JARID2: variants seen among roughly 807,000 people sequenced by gnomAD.
JARID2 encodes protein Jumonji.
Under a neutral mutation model 125.6 loss-of-function variants are expected in JARID2, and 21 were observed. The ratio of observed to expected loss-of-function variants is 0.17; its 90% CI spans 0.12 to 0.24. The LOEUF is 0.24. Ranked by LOEUF, JARID2 falls within the 10% of genes least tolerant of loss-of-function variation. The pLI is 1.00. For missense variants in JARID2, 1,303 were observed against 1,639.6 expected, an observed-to-expected ratio of 0.79 and a Z score of 3.55; for synonymous variants, 736 against 661.6, an observed-to-expected ratio of 1.11 and a Z score of -1.73.
chr6:15,452,201 G>A, intron 4 of JARID2, 26 bp downstream of exon 4: 1 of 1,611,288 alleles, frequency 6.2e-7, no homozygotes, highest in Non-Finnish European at 8.5e-7. Flanking sequence ...CATCGGCGGA[G>A]GTCTACGTGG....
At chr6:15,369,931 C>G (rs1317624054) in intron 1 of JARID2, among the ~76,000 whole-genome samples, 4 of 152,098 alleles carry the variant, frequency 2.6e-5, no homozygotes, top group Non-Finnish European at 4.4e-5. Flanking sequence ...AAGGATGTCT[C>G]CCCTAGGACA....
chr6:15,480,860 T>TG (rs1365987052), intron 5 of JARID2, among the ~76,000 whole-genome samples: 1 of 152,166 alleles, frequency 6.6e-6, no homozygotes, highest in Non-Finnish European at 1.5e-5. Context: ...TTAAAAACCT[T>TG]GCGATCAGTT....
In JARID2 at chr6:15,508,552, C is replaced by T. The variant is rs1036973549; in HGVS notation, c.2846+98C>T. On this transcript the variant is annotated intron_variant, in intron 12 of 17. Coordinates refer to ENST00000341776, the MANE Select transcript of JARID2 (RefSeq NM_004973.4). Reference sequence around the variant, plus strand: ...GTAACTTCTTGTCCAGGTGGTTCCACGTGCTTGAGAACTTGCTTCTCTGTG... The same window carrying T: ...GTAACTTCTTGTCCAGGTGGTTCCATGTGCTTGAGAACTTGCTTCTCTGTG... 84 of 725,634 alleles carry T rather than the reference C, an allele frequency of 1.2e-4. No homozygotes were observed. In the South Asian group the frequency reaches 1.2e-3, roughly 10 times the overall value. 44.9% of individuals were successfully genotyped at this position (725,634 alleles called of 1,614,324 possible).
At chr6:15,512,082 A>T (rs901951576) in intron 13 of JARID2, 126 bp from the exon 14 acceptor site, 1 of 776,672 alleles carries the variant, frequency 1.3e-6, no homozygotes, top group Non-Finnish European at 2.0e-6. Context: ...ACGTCTTTTT[A>T]TTTTCCACAT....
At chr6:15,471,192 T>C (rs1446040942) in intron 5 of JARID2, among the ~76,000 whole-genome samples, 2 of 152,216 alleles carry the variant, frequency 1.3e-5, no homozygotes, top group African/African-American at 2.4e-5. Context: ...GTAATAACTT[T>C]ATAATCTTTT....
At chr6:15,298,163 T>A (rs1189196238) in intron 1 of JARID2, among the ~76,000 whole-genome samples, 1 of 152,250 alleles carries the variant, frequency 6.6e-6, no homozygotes, top group Admixed American at 6.5e-5. Flanking sequence ...AAAATTGCAT[T>A]TGAATTGTAG....
intron 3 of JARID2, among the ~76,000 whole-genome samples, chr6:15,416,873 G>C (rs1310634379): frequency 6.6e-6 from 1 of 152,196 alleles, no homozygotes; most frequent in Non-Finnish European, 1.5e-5. Context: ...TGTAAAGTGT[G>C]TATTTGCCCC....
chr6:15,384,602 T>C (rs1764712687), intron 2 of JARID2, among the ~76,000 whole-genome samples: 1 of 152,182 alleles, frequency 6.6e-6, no homozygotes, highest in African/African-American at 2.4e-5. Flanking sequence ...TTTATTTATT[T>C]ATTTAGAGAC....
intron 2 of JARID2, among the ~76,000 whole-genome samples, chr6:15,408,239 G>A (rs1765729062): frequency 6.6e-6 from 1 of 152,086 alleles, no homozygotes; most frequent in Admixed American, 6.5e-5. Context: ...GCAACAGAGC[G>A]AGACCCTATC....
At chr6:15,307,168 G>A (rs1408628508) in intron 1 of JARID2, among the ~76,000 whole-genome samples, 1 of 151,876 alleles carries the variant, frequency 6.6e-6, no homozygotes, top group African/African-American at 2.4e-5. Context: ...CCTGAACCCC[G>A]GAGGTGGAGG....
At chr6:15,477,469 A>G (rs1192363908) in intron 5 of JARID2, among the ~76,000 whole-genome samples, 2 of 144,284 alleles carry the variant, frequency 1.4e-5, no homozygotes, top group Non-Finnish European at 3.0e-5. Flanking sequence ...ACAAGTGACT[A>G]TTCCAAAAAG....
At chr6:15,501,853 C>T (rs1418500870) in intron 8 of JARID2, among the ~76,000 whole-genome samples, 2 of 152,162 alleles carry the variant, frequency 1.3e-5, no homozygotes, top group African/African-American at 4.8e-5. Context: ...GGATAAGTAA[C>T]TGGGCTGCAT....
chr6:15,399,491 C>A (rs1561837025), intron 2 of JARID2, among the ~76,000 whole-genome samples: 1 of 150,772 alleles, frequency 6.6e-6, no homozygotes, highest in East Asian at 1.9e-4. Context: ...TTCGTGATGT[C>A]TGTGTGTGTG....
At chr6:15,268,010 CAG>C (rs904774277) in intron 1 of JARID2, among the ~76,000 whole-genome samples, 2 of 152,258 alleles carry the variant, frequency 1.3e-5, no homozygotes, top group South Asian at 2.1e-4. Context: ...CACCCCAGAA[CAG>C]GGGATAGGTG....
intron 1 of JARID2, among the ~76,000 whole-genome samples, chr6:15,265,801 T>C (rs1313191783): frequency 6.6e-6 from 1 of 152,146 alleles, no homozygotes; most frequent in Admixed American, 6.5e-5. Context: ...ACCAGCATCA[T>C]GGTCATTCAC....
At chr6:15,409,499 G>T (rs920329587) in intron 2 of JARID2, among the ~76,000 whole-genome samples, 2 of 152,162 alleles carry the variant, frequency 1.3e-5, no homozygotes, top group African/African-American at 2.4e-5. Context: ...TTTCCCTATA[G>T]TGTGACCTTA....
At chr6:15,437,095 G>C (rs1005235740) in intron 3 of JARID2, among the ~76,000 whole-genome samples, 1 of 152,112 alleles carries the variant, frequency 6.6e-6, no homozygotes, top group Non-Finnish European at 1.5e-5. Flanking sequence ...GGAAGCACAG[G>C]GGTGTGTGGT....
At chr6:15,491,147 A>G (rs1474340922) in intron 6 of JARID2, among the ~76,000 whole-genome samples, 4 of 152,242 alleles carry the variant, frequency 2.6e-5, no homozygotes, top group Non-Finnish European at 5.9e-5. Flanking sequence ...ATAGAAAATC[A>G]TATTAGTTTT....
chr6:15,485,762 A>T (rs1769836286), intron 5 of JARID2, among the ~76,000 whole-genome samples: 1 of 152,246 alleles, frequency 6.6e-6, no homozygotes, highest in South Asian at 2.1e-4. Flanking sequence ...ACGGCAAAAG[A>T]GGACAGTATT....
Sources: allele counts gnomAD v4.1 joint callset (sites outside exome capture counted in the v4.1 genomes callset), GRCh38; gene constraint gnomAD v4.1.1; transcripts MANE v1.5; gene names NCBI Gene and HGNC (gene_info 2026-07-23, HGNC 2026-07-21).